Variants in PPFIA2 observed in about 807,000 individuals in gnomAD.
PPFIA2 encodes the protein PPFI scaffold protein A2, also known as liprin-alpha-2.
Under a neutral mutation model 175.5 loss-of-function variants are expected in PPFIA2, and 46 were observed. The observed-to-expected ratio is 0.26, with a 90% CI of 0.21 to 0.34. The LOEUF is 0.34. Among genes scored for constraint, PPFIA2 ranks in the 10% least tolerant of loss-of-function variants. The pLI is 1.00. For missense variants in PPFIA2, 1,179 were observed against 1,506.1 expected (o/e 0.78, Z 3.60); for synonymous variants, 568 against 511.4 (o/e 1.11, Z -1.49).
intron 4 of PPFIA2, among the ~76,000 whole-genome samples, chr12:81,589,518 T>A (rs762825226): frequency 5.3e-5 from 8 of 152,060 alleles, no homozygotes; most frequent in Non-Finnish European, 8.8e-5. Context: ...AATTTAAAAA[T>A]CCAGTGAGGC....
intron 17 of PPFIA2, chr12:81,350,590 T>C (rs1192939094): frequency 1.3e-5 from 2 of 152,068 alleles, no homozygotes; most frequent in African/African-American, 4.8e-5. Context: ...AACTAGAAAG[T>C]AGGCAAGGTA....
intron 23 of PPFIA2, 141 bp from the exon 24 acceptor site, chr12:81,295,176 G>T: frequency 1.4e-6 from 1 of 726,506 alleles, no homozygotes; most frequent in Non-Finnish European, 2.2e-6. Context: ...TTTCCCTAGA[G>T]GACATAGATG....
intron 15 of PPFIA2, 90 bp downstream of exon 15, chr12:81,362,603 T>C: frequency 1.3e-6 from 1 of 799,740 alleles, no homozygotes; most frequent in Non-Finnish European, 2.0e-6. Flanking sequence ...TAGGAAGTAC[T>C]GATTTATTTT....
chr12:81,758,026 C>T (rs1191987621), intron 2 of PPFIA2, among the ~76,000 whole-genome samples: 2 of 152,116 alleles, frequency 1.3e-5, no homozygotes, highest in Non-Finnish European at 2.9e-5. Context: ...CCTCTGTCCT[C>T]GGGAAATATG....
intron 18 of PPFIA2, among the ~76,000 whole-genome samples, chr12:81,347,006 T>G (rs866940169): frequency 1.7e-4 from 26 of 152,276 alleles, no homozygotes; most frequent in Middle Eastern, 3.4e-3. Flanking sequence ...GATAGCTCAC[T>G]GCAGTCTCAA....
At chr12:81,701,458 A>G (rs1349347897) in intron 3 of PPFIA2, among the ~76,000 whole-genome samples, 1 of 152,152 alleles carries the variant, frequency 6.6e-6, no homozygotes, top group Non-Finnish European at 1.5e-5. Flanking sequence ...TGAGACAAGA[A>G]GAATTTATGG....
In PPFIA2 at chr12:81,618,200, C is replaced by T. The variant is rs1463248556; in HGVS notation, c.303+58591G>A. 2.6e-5 allele frequency among the ~76,000 whole-genome samples: 4 copies of T among 152,028 alleles called. No homozygotes were observed. In the East Asian group the frequency reaches 7.7e-4, roughly 29 times the overall value. ...GCCTCCACTCCCACATTACAGCTCT[C>T]TACTTTCTTAATCAGCTTTATTTTC... On this transcript the variant is annotated intron_variant, in intron 4 of 32. Coordinates refer to ENST00000549396, the MANE Select transcript of PPFIA2 (RefSeq NM_003625.5).
intron 32 of PPFIA2, chr12:81,260,110 G>T (rs2034895488): frequency 6.5e-6 from 1 of 152,868 alleles, no homozygotes; most frequent in Non-Finnish European, 1.5e-5. Context: ...TGTGTCAGTA[G>T]TATGGCATTG....
intron 4 of PPFIA2, among the ~76,000 whole-genome samples, chr12:81,584,903 A>T (rs1389279738): frequency 2.5e-5 from 3 of 121,838 alleles, no homozygotes; most frequent in African/African-American, 9.4e-5. Context: ...ATTTATATAT[A>T]ATATATTATA....
At chr12:81,675,980 T>C (rs2072438015) in intron 4 of PPFIA2, among the ~76,000 whole-genome samples, 1 of 152,054 alleles carries the variant, frequency 6.6e-6, no homozygotes, top group Non-Finnish European at 1.5e-5. Context: ...CAGAAAGTTA[T>C]CTCTCTAACA....
intron 4 of PPFIA2, among the ~76,000 whole-genome samples, chr12:81,470,515 C>T (rs1368117361): frequency 6.6e-6 from 1 of 152,156 alleles, no homozygotes; most frequent in Non-Finnish European, 1.5e-5. Context: ...TTGTCAGTTT[C>T]TCAAGCGGTA....
chr12:81,743,838 T>C (rs1259261390), intron 3 of PPFIA2, among the ~76,000 whole-genome samples: 2 of 152,082 alleles, frequency 1.3e-5, no homozygotes, highest in Admixed American at 6.6e-5. Flanking sequence ...GAAACCATAA[T>C]TGACAAGATA....
chr12:81,505,490 G>T (rs1229446854), intron 4 of PPFIA2, among the ~76,000 whole-genome samples: 1 of 151,984 alleles, frequency 6.6e-6, no homozygotes, highest in East Asian at 1.9e-4. Flanking sequence ...TTTTTGTTTG[G>T]TGTTTTATTG....
intron 4 of PPFIA2, among the ~76,000 whole-genome samples, chr12:81,619,052 G>A (rs2061736824): frequency 6.6e-6 from 1 of 152,148 alleles, no homozygotes. Context: ...AAAATTGCTT[G>A]TGAAGATCAC....
chr12:81,408,658 G>A (rs1286913273), intron 7 of PPFIA2, among the ~76,000 whole-genome samples: 1 of 152,090 alleles, frequency 6.6e-6, no homozygotes, highest in Admixed American at 6.6e-5. Context: ...AAATATAATT[G>A]AGCCACTATG....
intron 3 of PPFIA2, among the ~76,000 whole-genome samples, chr12:81,713,197 G>A (rs890047535): frequency 2.0e-5 from 3 of 150,898 alleles, no homozygotes; most frequent in African/African-American, 4.8e-5. Context: ...TGAATGCTAA[G>A]AGCTTTAAGC....
intron 4 of PPFIA2, among the ~76,000 whole-genome samples, chr12:81,554,040 G>A (rs180991312): frequency 6.6e-6 from 1 of 151,938 alleles, no homozygotes; most frequent in Admixed American, 6.6e-5. Flanking sequence ...TGCTAGAAAT[G>A]GGGATTTGAT....
At chr12:81,620,733 A>G (rs2061960809) in intron 4 of PPFIA2, among the ~76,000 whole-genome samples, 1 of 152,192 alleles carries the variant, frequency 6.6e-6, no homozygotes, top group South Asian at 2.1e-4. Flanking sequence ...ATCTGGTAGG[A>G]GTGGGGCTGA....
chr12:81,322,335 C>T (rs1380592689), intron 22 of PPFIA2, among the ~76,000 whole-genome samples: 2 of 151,996 alleles, frequency 1.3e-5, no homozygotes, highest in Non-Finnish European at 2.9e-5. Context: ...GAAGAGGTGC[C>T]TGGAGTTCAA....
Sources: gnomAD v4.1 joint callset for allele counts (sites outside exome capture counted in the v4.1 genomes callset) on GRCh38, gnomAD v4.1.1 for gene constraint, MANE v1.5 for transcripts, NCBI Gene and HGNC (gene_info 2026-07-23, HGNC 2026-07-21) for gene names.